TTBK2: variants seen among roughly 807,000 people sequenced by gnomAD.
TTBK2 encodes the protein tau tubulin kinase 2.
Under a neutral mutation model 110.8 loss-of-function variants are expected in TTBK2, and 28 were observed. The ratio of observed to expected loss-of-function variants is 0.25; its 90% confidence interval spans 0.19 to 0.35. The LOEUF (loss-of-function observed/expected upper bound fraction) is 0.35, where lower values mean the gene tolerates loss of function less well. TTBK2 is among the 10% of genes least tolerant of loss of function. TTBK2 has a pLI of 1.00. For missense variants in TTBK2, 1,369 were observed against 1,500.3 expected (o/e 0.91, Z 1.45); for synonymous variants, 532 against 527.3 (o/e 1.01, Z -0.12).
chr15:42,815,258 C>A (rs942873231), intron 7 of TTBK2, among the ~76,000 whole-genome samples: 10 of 151,798 alleles, frequency 6.6e-5, no homozygotes, highest in Admixed American at 1.3e-4. Context: ...AAATGCTTAG[C>A]AGAGTGCTAC....
At chr15:42,832,031 T>G (rs943754392) in intron 4 of TTBK2, among the ~76,000 whole-genome samples, 12 of 152,194 alleles carry the variant, frequency 7.9e-5, no homozygotes, top group African/African-American at 2.9e-4. Flanking sequence ...CCTTTCATAC[T>G]TCGTACCTTC....
At chr15:42,758,860 G>A (rs989744026) in intron 13 of TTBK2, among the ~76,000 whole-genome samples, 6 of 152,048 alleles carry the variant, frequency 3.9e-5, no homozygotes, top group African/African-American at 7.2e-5. Flanking sequence ...CAGTCCTAGC[G>A]AGCCTGGAGC....
chr15:42,753,367 C>T, intron 13 of TTBK2, 120 bp from the exon 14 acceptor site: 1 of 1,031,374 alleles, frequency 9.7e-7, no homozygotes, highest in Non-Finnish European at 1.4e-6. Context: ...TTGACCAGGT[C>T]TGCCCAACTT....
intron 4 of TTBK2, among the ~76,000 whole-genome samples, chr15:42,839,045 A>G (rs548951834): frequency 6.6e-6 from 1 of 152,292 alleles, no homozygotes; most frequent in Admixed American, 6.5e-5. Flanking sequence ...TTTGTCACAC[A>G]GGTAGTGAGC....
Position 42,753,227 on chromosome 15 carries a change from A to T in TTBK2, c.2019T>A (p.Ser673=). 2 of 1,613,638 alleles carry T rather than the reference A, an allele frequency of 1.2e-6. No homozygotes were observed. Among genetic ancestry groups the T allele is most frequent in the Non-Finnish European group, 1.7e-6 (2 of 1,179,894 alleles). ...CTGAAGTTGACTGTGTAGATGCCACAGAAGGTCTAGGAATTGTAATCTGGA... is the reference window on the plus strand; with the variant it reads ...CTGAAGTTGACTGTGTAGATGCCACTGAAGGTCTAGGAATTGTAATCTGGA... ...PLTAITIPRP[S]VASTQSTSGS... is the part of the protein sequence containing the mutation. The change falls in exon 14 of 15, where the codon TCT becomes TCA. Residue 673 remains serine, a synonymous_variant. Coordinates refer to ENST00000267890, the MANE Select transcript of TTBK2 (RefSeq NM_173500.4).
At chr15:42,801,873 C>A in intron 9 of TTBK2, 2 of 1,132,524 alleles carry the variant, frequency 1.8e-6, no homozygotes, top group Non-Finnish European at 2.7e-6. Flanking sequence ...TGATCTCAAC[C>A]TCATACTTGT....
chr15:42,910,054 G>A (rs1374896385), intron 1 of TTBK2, among the ~76,000 whole-genome samples: 1 of 152,134 alleles, frequency 6.6e-6, no homozygotes, highest in Non-Finnish European at 1.5e-5. Flanking sequence ...CTGAGATGCT[G>A]ACAACATTTT....
At chr15:42,836,661 AG>A (rs1481235385) in intron 4 of TTBK2, among the ~76,000 whole-genome samples, 1 of 152,262 alleles carries the variant, frequency 6.6e-6, no homozygotes, top group Non-Finnish European at 1.5e-5. Flanking sequence ...TCCCATTTAC[AG>A]AAAGTCAGAT....
At chr15:42,813,660 C>CA (rs1463079093) in intron 7 of TTBK2, among the ~76,000 whole-genome samples, 1 of 152,042 alleles carries the variant, frequency 6.6e-6, no homozygotes, top group African/African-American at 2.4e-5. Flanking sequence ...GCCTAGGCAA[C>CA]ACAGTGAAAC....
intron 9 of TTBK2, chr15:42,802,205 G>A: frequency 9.9e-7 from 1 of 1,014,482 alleles, no homozygotes; most frequent in South Asian, 1.3e-5. Flanking sequence ...AGCAGGCTTT[G>A]GTTGACAGTG....
intron 10 of TTBK2, among the ~76,000 whole-genome samples, chr15:42,788,309 A>G (rs1480096950): frequency 2.6e-5 from 4 of 152,180 alleles, no homozygotes; most frequent in African/African-American, 9.6e-5. Context: ...TTGTGACCTA[A>G]TACCTGATCA....
chr15:42,839,321 A>G (rs1310983485), intron 4 of TTBK2, among the ~76,000 whole-genome samples: 1 of 152,190 alleles, frequency 6.6e-6, no homozygotes, highest in African/African-American at 2.4e-5. Flanking sequence ...GTATACACGT[A>G]CCACATTTTC....
intron 1 of TTBK2, among the ~76,000 whole-genome samples, chr15:42,892,361 C>T (rs929811946): frequency 3.3e-5 from 5 of 152,098 alleles, no homozygotes; most frequent in Non-Finnish European, 7.4e-5. Context: ...TAAATAACTG[C>T]AACACAGACG....
intron 6 of TTBK2, among the ~76,000 whole-genome samples, chr15:42,822,080 G>T (rs1333045933): frequency 6.6e-6 from 1 of 152,106 alleles, no homozygotes; most frequent in Non-Finnish European, 1.5e-5. Flanking sequence ...TCTCTTCTTT[G>T]ATAAAATGTC....
intron 14 of TTBK2, among the ~76,000 whole-genome samples, chr15:42,750,438 T>A (rs771044624): frequency 2.6e-5 from 4 of 151,400 alleles, no homozygotes; most frequent in Non-Finnish European, 4.4e-5. Context: ...CCAAAAAAAA[T>A]TTGGAACTAA....
At chr15:42,849,527 T>A (rs530483642) in intron 3 of TTBK2, among the ~76,000 whole-genome samples, 47 of 152,344 alleles carry the variant, frequency 3.1e-4, no homozygotes, top group African/African-American at 1.0e-3. Flanking sequence ...TAGGTTGTAT[T>A]CTGGACATTT....
rs774059424 is a variant in TTBK2 at position 42,800,936 on chromosome 15, C to T, written c.823-6135G>A. The T allele has an allele frequency of 9.7e-6, 7 of 721,556 alleles. No homozygotes were observed. The East Asian group carries it at 1.5e-4, about 15-fold the overall frequency. 44.7% of individuals were successfully genotyped at this position (721,556 alleles called of 1,614,324 possible). A position where few individuals can be genotyped will look rare whatever the true frequency, so the allele number is the denominator to read the frequency against. On this transcript the variant is annotated intron_variant, in intron 9 of 14. Transcript: ENST00000267890. ...CCTCCCTCCTAGGCTCTGCGGCAGC[C>T]GCAGGAGGGACAGGCTGGGAGGGGC... is the stretch of plus-strand genomic sequence containing the variant.
intron 1 of TTBK2, among the ~76,000 whole-genome samples, chr15:42,881,854 G>A (rs1437152048): frequency 6.6e-6 from 1 of 151,244 alleles, no homozygotes; most frequent in Non-Finnish European, 1.5e-5. Context: ...CTAGGCAACA[G>A]AACGAGACTC....
intron 4 of TTBK2, among the ~76,000 whole-genome samples, chr15:42,839,761 T>C (rs569808632): frequency 6.6e-6 from 1 of 152,282 alleles, no homozygotes; most frequent in Admixed American, 6.5e-5. Flanking sequence ...TGAGACATAT[T>C]TTGGTGTGGA....
Sources: gnomAD v4.1 joint callset for allele counts (sites outside exome capture counted in the v4.1 genomes callset) on GRCh38, gnomAD v4.1.1 for gene constraint, MANE v1.5 for transcripts, NCBI Gene and HGNC (gene_info 2026-07-23, HGNC 2026-07-21) for gene names.